The following FICD variants were observed in gnomAD, a reference collection of about 807,000 sequenced individuals.
FICD encodes the protein FIC domain protein adenylyltransferase.
FICD carries 13 observed loss-of-function variants against 28.0 expected under a neutral mutation model. The observed-to-expected ratio is 0.46, with a 90% CI of 0.30 to 0.74. The LOEUF is 0.74. Among genes scored for constraint, FICD ranks in the 30% least tolerant of loss-of-function variants. The pLI, the probability that FICD is intolerant of heterozygous loss-of-function variation, is 0.07. For missense variants in FICD, 576 were observed against 624.5 expected, an observed-to-expected ratio of 0.92 and a Z score of 0.83; for synonymous variants, 268 against 266.4, an observed-to-expected ratio of 1.01 and a Z score of -0.06.
Position 108,518,885 on chromosome 12 carries a change from G to T in FICD, c.787G>T (p.Glu263Ter). ...CGGGAAGAGCCTGGAGGAGCAGAAC[G>T]AGGTCATAGGCATGCATGCAGCCAT... ...VPGKSLEEQN[E>*]VIGMHAAMKY... The change falls in exon 3 of 3, where the codon GAG (glutamate) becomes TAG (stop). Residue 263 changes from glutamate (E) to a stop codon, truncating the protein, a stop_gained. Coordinates refer to ENST00000552695, the MANE Select transcript of FICD (RefSeq NM_007076.3). LOFTEE classifies it high-confidence loss of function. This position sits in a 1 kb window ranked among gnomAD's most constrained non-coding sequence, Gnocchi z 4.4. The T allele has an allele frequency of 1.2e-6, 2 of 1,614,184 alleles. No homozygotes were observed. The highest frequency in any genetic ancestry group is 1.7e-6 in the Non-Finnish European group (2 of 1,180,038).
intron 1 of FICD, among the ~76,000 whole-genome samples, chr12:108,516,540 CTT>C (rs1871915770): frequency 1.3e-5 from 2 of 152,326 alleles, no homozygotes; most frequent in South Asian, 4.1e-4. Context: ...CCCGGCGAGA[CTT>C]TCGGCAAGGG....
Position 108,516,964 on chromosome 12 carries a change from T to C in FICD, c.-9T>C. ...TGGACATGCGCAAAGGGCCCTCTCC[T>C]GAGTCCAGATGATGCTCATACCAAT... is the stretch of plus-strand genomic sequence containing the variant. On this transcript the variant is annotated 5_prime_UTR_variant, in exon 2 of 3. Coordinates refer to ENST00000552695, the MANE Select transcript of FICD (RefSeq NM_007076.3). 2.7e-6 allele frequency: 4 copies of C among 1,470,392 alleles called. No homozygotes were observed. Among genetic ancestry groups the C allele is most frequent in the Non-Finnish European group, 2.7e-6 (3 of 1,101,860 alleles). 91.1% of individuals were successfully genotyped at this position (1,470,392 alleles called of 1,614,324 possible).
At chr12:108,515,655 C>G (rs1052655350) in intron 1 of FICD, among the ~76,000 whole-genome samples, 3 of 152,170 alleles carry the variant, frequency 2.0e-5, no homozygotes, top group African/African-American at 7.2e-5. Flanking sequence ...CCCGCCCAGA[C>G]CCCTGGACCC....
chr12:108,518,429 A>C lies in FICD; in HGVS notation c.331A>C (p.Asn111His), dbSNP rs1182561585. ...TAAGTTGGAAGCCAGAGCTGCCCTG[A>C]ACCAGGCCCTGGAGATGAAGCGCCA... ...AGKLEARAAL[N>H]QALEMKRQGK... is the part of the protein sequence containing the mutation. The change falls in exon 3 of 3, where the codon AAC (asparagine) becomes CAC (histidine). Residue 111 changes from asparagine to histidine, a missense_variant. Transcript: ENST00000552695. This position sits in a 1 kb window ranked among gnomAD's most constrained non-coding sequence, Gnocchi z 4.4. 6.2e-7 allele frequency: 1 copy of C among 1,614,094 alleles called. No homozygotes were observed. The highest frequency in any genetic ancestry group is 1.1e-5 in the South Asian group (1 of 91,072).
At position 108,519,645 on chromosome 12, in the gene FICD, A is replaced by G. The variant is rs1431896702; in HGVS notation, c.*170A>G. The G allele has an allele frequency of 7.1e-6, 4 of 561,296 alleles. No individual in the cohort carries two copies. Among genetic ancestry groups the G allele is most frequent in the African/African-American group, 1.9e-5 (1 of 52,718 alleles). 34.8% of individuals were successfully genotyped at this position (561,296 alleles called of 1,614,324 possible). A position where few individuals can be genotyped will look rare whatever the true frequency, so the allele number is the denominator to read the frequency against. ...CTAAGTTATGAAGCCTTGTCTCTAA[A>G]ATAACTTATAATTCAACCAAGCTAT... is the stretch of plus-strand genomic sequence containing the variant. On this transcript the variant is annotated 3_prime_UTR_variant, in exon 3 of 3. Transcript: ENST00000552695. This position sits in a 1 kb window ranked among gnomAD's most constrained non-coding sequence, Gnocchi z 4.5.
intron 2 of FICD, among the ~76,000 whole-genome samples, chr12:108,517,967 C>T (rs923149358): frequency 6.6e-6 from 1 of 152,280 alleles, no homozygotes; most frequent in Non-Finnish European, 1.5e-5. Flanking sequence ...GAGTTGTTAA[C>T]GCCTTTGGGC....
chr12:108,519,207 G>A lies in FICD; in HGVS notation c.1109G>A (p.Gly370Glu). Reference protein sequence around the residue: ...VYIHPFIDGNGRTSRLLMNLI... With the variant: ...VYIHPFIDGNERTSRLLMNLI... ...ATCCACCCTTTCATTGATGGCAACGGGAGGACCTCCCGTCTGCTCATGAAC... is the reference window on the plus strand; with the variant it reads ...ATCCACCCTTTCATTGATGGCAACGAGAGGACCTCCCGTCTGCTCATGAAC... The change falls in exon 3 of 3, where the codon GGG becomes GAG. Residue 370 changes from glycine (G) to glutamate (E), a missense_variant. Coordinates refer to ENST00000552695, the MANE Select transcript of FICD (RefSeq NM_007076.3). This position sits in a 1 kb window ranked among gnomAD's most constrained non-coding sequence, Gnocchi z 4.5. The A allele has an allele frequency of 6.2e-7, 1 of 1,614,164 alleles. No homozygotes were observed. Among genetic ancestry groups the A allele is most frequent in the Non-Finnish European group, 8.5e-7 (1 of 1,179,976 alleles).
chr12:108,516,403 T>C (rs572747474), intron 1 of FICD, among the ~76,000 whole-genome samples: 6 of 152,326 alleles, frequency 3.9e-5, no homozygotes, highest in African/African-American at 1.4e-4. Context: ...GTCATTTATG[T>C]CCCAAATGTT....
At chr12:108,516,273 C>T (rs147804255) in intron 1 of FICD, among the ~76,000 whole-genome samples, 10 of 152,300 alleles carry the variant, frequency 6.6e-5, no homozygotes, top group Non-Finnish European at 1.3e-4. Context: ...AGGGGAAGGG[C>T]ACTGTGGGAG....
At chr12:108,515,645 C>A (rs1871888662) in intron 1 of FICD, among the ~76,000 whole-genome samples, 1 of 152,152 alleles carries the variant, frequency 6.6e-6, no homozygotes, top group African/African-American at 2.4e-5. Context: ...CCTCGGGAAG[C>A]CCGCCCAGAC....
At chr12:108,516,476 G>A (rs750289813) in intron 1 of FICD, among the ~76,000 whole-genome samples, 9 of 152,206 alleles carry the variant, frequency 5.9e-5, no homozygotes, top group Non-Finnish European at 1.2e-4. Flanking sequence ...GGGAAGGGGG[G>A]ACACTTTAGA....
chr12:108,517,416 G>A, intron 2 of FICD, 143 bp downstream of exon 2: 1 of 610,786 alleles, frequency 1.6e-6, no homozygotes, highest in Non-Finnish European at 2.5e-6. Context: ...ATGTGACTGA[G>A]ACAGTGTCAC....
In FICD at chr12:108,518,851, C is replaced by T. The variant is rs199846789; in HGVS notation, c.753C>T (p.Tyr251=). The change falls in exon 3 of 3, where the codon TAC becomes TAT. Residue 251 remains tyrosine (Y), a synonymous_variant. Coordinates refer to ENST00000552695, the MANE Select transcript of FICD (RefSeq NM_007076.3). The surrounding 1 kb of genome is among the most constrained non-coding windows in gnomAD (Gnocchi z 4.4). ...SEIRHILETR[Y]AVPGKSLEEQ... Reference sequence around the variant, plus strand: ...TCAGGCACATCCTGGAGACCCGCTACGCCGTGCCCGGGAAGAGCCTGGAGG... The same window carrying T: ...TCAGGCACATCCTGGAGACCCGCTATGCCGTGCCCGGGAAGAGCCTGGAGG... 912 of 1,614,174 alleles carry T rather than the reference C, an allele frequency of 5.6e-4. 3 individuals carry two copies. The highest frequency in any genetic ancestry group is 5.0e-4 in the Non-Finnish European group (586 of 1,180,044).
Position 108,518,354 on chromosome 12 carries a change from C to A in FICD, c.302-46C>A. 6.6e-7 allele frequency: 1 copy of A among 1,516,856 alleles called. No individual in the cohort carries two copies. The highest frequency in any genetic ancestry group is 9.1e-7 in the Non-Finnish European group (1 of 1,093,380). The allele number at this position is 1,516,856 out of a possible 1,614,324, so 94.0% of individuals were successfully genotyped here. A position where few individuals can be genotyped will look rare whatever the true frequency, so the allele number is the denominator to read the frequency against. On this transcript the variant is annotated intron_variant, in intron 2 of 2. Transcript: ENST00000552695. The surrounding 1 kb of genome is among the most constrained non-coding windows in gnomAD (Gnocchi z 4.4). ...GGGACAGCCCCCCGAATGTCCTCTG[C>A]CCCCTAGCCTCCCTCCCTCACAGCG...
rs886419967 is a variant in FICD at position 108,517,368 on chromosome 12, G to A, written c.301+95G>A. 1.1e-5 allele frequency: 12 copies of A among 1,072,834 alleles called. No individual in the cohort carries two copies. In the Middle Eastern group the frequency reaches 6.3e-4, roughly 56 times the overall value. 66.5% of individuals were successfully genotyped at this position (1,072,834 alleles called of 1,614,324 possible). ...TGTATGTGGGGCATCGGGGTATTGT[G>A]AACAAGTCAGCCCTGAGCTCCTAGT... On this transcript the variant is annotated intron_variant, in intron 2 of 2. Transcript: ENST00000552695.
At position 108,518,447 on chromosome 12, in the gene FICD, A is replaced by T; in HGVS notation, c.349A>T (p.Lys117Ter). 1.9e-6 allele frequency: 3 copies of T among 1,614,130 alleles called. No homozygotes were observed. The highest frequency in any genetic ancestry group is 2.2e-5 in the South Asian group (2 of 91,080). The change falls in exon 3 of 3, where the codon AAG (lysine) becomes TAG (stop). Residue 117 changes from lysine (K) to a stop codon, truncating the protein, a stop_gained. Transcript: ENST00000552695. LOFTEE classifies it high-confidence loss of function. The surrounding 1 kb of genome is among the most constrained non-coding windows in gnomAD (Gnocchi z 4.4). ...RAALNQALEM[K>*]RQGKREKAQK... Reference sequence around the variant, plus strand: ...TGCCCTGAACCAGGCCCTGGAGATGAAGCGCCAGGGCAAGCGGGAAAAAGC... The same window carrying T: ...TGCCCTGAACCAGGCCCTGGAGATGTAGCGCCAGGGCAAGCGGGAAAAAGC...
Position 108,518,006 on chromosome 12 carries a change from C to A in FICD, c.302-394C>A. On this transcript the variant is annotated intron_variant, in intron 2 of 2. Transcript: ENST00000552695. This position sits in a 1 kb window ranked among gnomAD's most constrained non-coding sequence, Gnocchi z 4.4. ...CCGGGGCAGGAACCTGTGTCACCAG[C>A]ACAAGATGAGCTGGAGATGTAGGAG... 1 of 651,064 alleles carries A rather than the reference C, an allele frequency of 1.5e-6. No homozygotes were observed. The allele number at this position is 651,064 out of a possible 1,614,324, so 40.3% of individuals were successfully genotyped here. A position where few individuals can be genotyped will look rare whatever the true frequency, so the allele number is the denominator to read the frequency against.
At chr12:108,517,468 C>T in intron 2 of FICD, 195 bp downstream of exon 2, 1 of 449,748 alleles carries the variant, frequency 2.2e-6, no homozygotes, top group Non-Finnish European at 3.8e-6. Flanking sequence ...TAGGAGCATA[C>T]CAGGAAGGCT....
In FICD at chr12:108,518,289, A is replaced by G. The variant is rs767105948; in HGVS notation, c.302-111A>G. 5.6e-6 allele frequency: 5 copies of G among 888,456 alleles called. No homozygotes were observed. The highest frequency in any genetic ancestry group is 7.3e-6 in the Non-Finnish European group (4 of 548,328). 55.0% of individuals were successfully genotyped at this position (888,456 alleles called of 1,614,324 possible). A position where few individuals can be genotyped will look rare whatever the true frequency, so the allele number is the denominator to read the frequency against. On this transcript the variant is annotated intron_variant, in intron 2 of 2. Transcript: ENST00000552695. The surrounding 1 kb of genome is among the most constrained non-coding windows in gnomAD (Gnocchi z 4.4). ...CAACAAGCTCCTCAAGGCCAGGGAC[A>G]CAGGCTGGTCATCATGGTTTCCTGC...
Sources: allele counts gnomAD v4.1 joint callset (sites outside exome capture counted in the v4.1 genomes callset), GRCh38; gene constraint gnomAD v4.1.1; non-coding constraint Gnocchi (gnomAD v3.1); transcripts MANE v1.5; gene names NCBI Gene and HGNC (gene_info 2026-07-23, HGNC 2026-07-21).